PRMT8: variants seen among roughly 807,000 people sequenced by gnomAD.
The protein encoded by PRMT8 is protein arginine N-methyltransferase 8.
PRMT8 carries 7 observed loss-of-function variants against 47.1 expected under a neutral mutation model. The observed-to-expected ratio is 0.15, with a 90% CI of 0.08 to 0.28. The LOEUF is 0.28. Among genes scored for constraint, PRMT8 ranks in the 10% least tolerant of loss-of-function variants. The pLI is 1.00. For synonymous variants in PRMT8, 188 were observed against 186.5 expected (o/e 1.01, Z -0.07); for missense variants, 237 against 505.4 (o/e 0.47, Z 5.09).
chr12:3,498,942 T>A (rs1048039033), intron 1 of PRMT8, among the ~76,000 whole-genome samples: 8 of 152,130 alleles, frequency 5.3e-5, no homozygotes, highest in African/African-American at 9.7e-5. Flanking sequence ...AATCTGTTCC[T>A]TGCCTTTCTT....
At chr12:3,426,413 C>T (rs902110949) in intron 1 of PRMT8, among the ~76,000 whole-genome samples, 2 of 152,132 alleles carry the variant, frequency 1.3e-5, no homozygotes, top group Admixed American at 6.5e-5. Context: ...GTCCACAGAA[C>T]GTTGGACCAA....
chr12:3,520,865 A>G (rs1469488564), intron 1 of PRMT8, among the ~76,000 whole-genome samples: 1 of 152,218 alleles, frequency 6.6e-6, no homozygotes, highest in African/African-American at 2.4e-5. Flanking sequence ...AGGCCTAATA[A>G]ATAGCAGGTG....
chr12:3,402,657 C>A (rs1864329725), intron 1 of PRMT8, among the ~76,000 whole-genome samples: 1 of 151,998 alleles, frequency 6.6e-6, no homozygotes, highest in South Asian at 2.1e-4. Context: ...AAAAAGTGGG[C>A]AAAGAACACA....
chr12:3,567,886 C>T (rs1229016518), intron 4 of PRMT8, among the ~76,000 whole-genome samples: 17 of 152,066 alleles, frequency 1.1e-4, no homozygotes, highest in African/African-American at 2.2e-4. Flanking sequence ...CCACTCTGGC[C>T]AACATGGTGA....
chr12:3,477,784 T>C (rs1362955909), intron 1 of PRMT8, among the ~76,000 whole-genome samples: 2 of 152,196 alleles, frequency 1.3e-5, no homozygotes, highest in African/African-American at 2.4e-5. Context: ...AGACTGAAGA[T>C]TGACTTGGAG....
At chr12:3,396,184 T>C (rs1864247143) in intron 1 of PRMT8, among the ~76,000 whole-genome samples, 1 of 152,238 alleles carries the variant, frequency 6.6e-6, no homozygotes, top group African/African-American at 2.4e-5. Context: ...AGTTTGTGTC[T>C]TTTAATTGGA....
intron 2 of PRMT8, among the ~76,000 whole-genome samples, chr12:3,548,592 C>G (rs1866365875): frequency 6.6e-6 from 1 of 152,166 alleles, no homozygotes; most frequent in Non-Finnish European, 1.5e-5. Flanking sequence ...AGATCTACTT[C>G]AGTAACCATC....
rs1866720897 is a variant in PRMT8 at position 3,566,356 on chromosome 12, C to T, written c.482-2350C>T. On this transcript the variant is annotated intron_variant, in intron 4 of 9. Coordinates refer to ENST00000382622, the MANE Select transcript of PRMT8 (RefSeq NM_019854.5). The surrounding 1 kb of genome is among the most constrained non-coding windows in gnomAD (Gnocchi z 4.7). ...TCTGAGACCCAGAGAAACTTCAACA[C>T]CTACCCCTCCCACTCCCACCAAAAC... 6.6e-6 allele frequency among the ~76,000 whole-genome samples: 1 copy of T among 152,156 alleles called. No homozygotes were observed. Among genetic ancestry groups the T allele is most frequent in the African/African-American group, 2.4e-5 (1 of 41,428 alleles).
intron 1 of PRMT8, among the ~76,000 whole-genome samples, chr12:3,413,457 A>G (rs1340726066): frequency 6.6e-6 from 1 of 152,182 alleles, no homozygotes; most frequent in Non-Finnish European, 1.5e-5. Flanking sequence ...GCAAACACGC[A>G]TAGTATCCTA....
At chr12:3,568,388 A>G (rs1866771125) in intron 4 of PRMT8, among the ~76,000 whole-genome samples, 1 of 106,214 alleles carries the variant, frequency 9.4e-6, no homozygotes, top group Non-Finnish European at 1.9e-5. Flanking sequence ...TGTGCAGTTC[A>G]AAGCCAGGTT....
At chr12:3,574,413 G>A (rs1440169284) in intron 6 of PRMT8, among the ~76,000 whole-genome samples, 1 of 152,250 alleles carries the variant, frequency 6.6e-6, no homozygotes, top group Non-Finnish European at 1.5e-5. Flanking sequence ...GTCTGGCGTG[G>A]GCCCTGGAGT....
chr12:3,406,097 C>T (rs1047609721), intron 1 of PRMT8, among the ~76,000 whole-genome samples: 18 of 152,266 alleles, frequency 1.2e-4, no homozygotes, highest in African/African-American at 3.4e-4. Flanking sequence ...TTGTCTTCCA[C>T]GTACCCACAG....
intron 1 of PRMT8, among the ~76,000 whole-genome samples, chr12:3,524,604 A>G (rs1007138255): frequency 8.6e-5 from 13 of 151,132 alleles, no homozygotes; most frequent in Admixed American, 2.6e-4. Context: ...TAGAATTGCA[A>G]TGCATTGTGG....
At chr12:3,551,726 A>G (rs1436264822) in intron 3 of PRMT8, 3 of 152,412 alleles carry the variant, frequency 2.0e-5, no homozygotes, top group Middle Eastern at 3.4e-3. Context: ...CTCATTTCAC[A>G]GTTTCTCCTG....
chr12:3,483,553 A>G (rs186526484), intron 1 of PRMT8, among the ~76,000 whole-genome samples: 3 of 152,210 alleles, frequency 2.0e-5, no homozygotes, highest in East Asian at 1.9e-4. Context: ...TTGTTTCTCC[A>G]TAGGTGAATA....
At chr12:3,446,479 T>G (rs1864856548) in intron 1 of PRMT8, among the ~76,000 whole-genome samples, 1 of 152,122 alleles carries the variant, frequency 6.6e-6, no homozygotes, top group Non-Finnish European at 1.5e-5. Context: ...GCTGTTCTGG[T>G]AAACACCAGC....
At chr12:3,567,025 T>C (rs1866732006) in intron 4 of PRMT8, among the ~76,000 whole-genome samples, 1 of 152,162 alleles carries the variant, frequency 6.6e-6, no homozygotes, top group Non-Finnish European at 1.5e-5. Flanking sequence ...CTAAGAAGTG[T>C]CTCCTCCCAC....
At chr12:3,457,928 C>T (rs1241115298) in intron 1 of PRMT8, among the ~76,000 whole-genome samples, 5 of 149,202 alleles carry the variant, frequency 3.4e-5, no homozygotes, top group Non-Finnish European at 5.9e-5. Flanking sequence ...CTGCAACCTC[C>T]ACCTCCCGGG....
intron 2 of PRMT8, among the ~76,000 whole-genome samples, chr12:3,542,667 C>T (rs910260138): frequency 5.9e-5 from 9 of 152,214 alleles, no homozygotes; most frequent in African/African-American, 1.9e-4. Flanking sequence ...CCATGAGGTG[C>T]ACCTCAAGCT....
Sources: gnomAD v4.1 joint callset for allele counts (sites outside exome capture counted in the v4.1 genomes callset) on GRCh38, gnomAD v4.1.1 for gene constraint, Gnocchi (gnomAD v3.1) non-coding constraint, MANE v1.5 for transcripts, NCBI Gene and HGNC (gene_info 2026-07-23, HGNC 2026-07-21) for gene names.